The following CHIA variants were observed in gnomAD, a reference collection of about 807,000 sequenced individuals.
CHIA encodes the protein chitinase acidic.
Under a neutral mutation model 53.5 loss-of-function variants are expected in CHIA, and 47 were observed. The observed-to-expected ratio is 0.88, with a 90% CI of 0.70 to 1.12. The LOEUF is 1.12. CHIA is among the 50% of genes most tolerant of loss of function. The pLI is 0.00. For synonymous variants in CHIA, 268 were observed against 222.2 expected, an observed-to-expected ratio of 1.21 and a Z score of -1.83; for missense variants, 652 against 592.2, an observed-to-expected ratio of 1.10 and a Z score of -1.05.
chr1:111,304,667 T>G (rs1169540945), intron 1 of CHIA, among the ~76,000 whole-genome samples: 1 of 152,162 alleles, frequency 6.6e-6, no homozygotes, highest in Non-Finnish European at 1.5e-5. Flanking sequence ...TCTACATCCT[T>G]TTTTTAGAGC....
At chr1:111,310,263 G>GT in intron 1 of CHIA, 137 bp from the exon 2 acceptor site, 1 of 1,021,950 alleles carries the variant, frequency 9.8e-7, no homozygotes, top group Non-Finnish European at 1.4e-6. Context: ...TTCTGTCCTT[G>GT]TTGGGCAGAG....
chr1:111,319,477 CTG>C lies in CHIA; in HGVS notation c.1177+10_1177+11del. The C allele has an allele frequency of 6.2e-7, 1 of 1,613,154 alleles. No homozygotes were observed. ...CGGCCTGCAGAGTGCAAGTAAGTGACTGAGGGGGAATGCCCAGGTGTATAAAT... is the reference window on the plus strand; with the variant it reads ...CGGCCTGCAGAGTGCAAGTAAGTGACAGGGGGAATGCCCAGGTGTATAAAT... On this transcript the variant is annotated intron_variant, in intron 11 of 11. Transcript: ENST00000369740.
At chr1:111,295,859 A>G (rs948479835) in intron 1 of CHIA, among the ~76,000 whole-genome samples, 19 of 152,214 alleles carry the variant, frequency 1.2e-4, no homozygotes, top group Admixed American at 5.9e-4. Context: ...TCCCACCCAA[A>G]TACTGTGCTT....
At chr1:111,310,894 G>A (rs1648609893) in intron 2 of CHIA, among the ~76,000 whole-genome samples, 1 of 152,154 alleles carries the variant, frequency 6.6e-6, no homozygotes, top group African/African-American at 2.4e-5. Flanking sequence ...AAAATCAGTA[G>A]GAACTGAGAT....
chr1:111,320,298 A>G lies in CHIA; in HGVS notation c.1263A>G (p.Gly421=). The part of the protein sequence containing the change: ...SGNGSGSSSS[G]GSSGGSGFCA... ...ACGGGAGCGGGAGTAGCAGCTCTGG[A>G]GGCAGCTCGGGAGGCAGTGGATTCT... Residue 421 remains glycine, a synonymous_variant, in exon 12 of 12, where the codon GGA becomes GGG. Coordinates refer to ENST00000369740, the MANE Select transcript of CHIA (RefSeq NM_201653.4). 1.9e-6 allele frequency: 3 copies of G among 1,614,062 alleles called. No homozygotes were observed. Among genetic ancestry groups the G allele is most frequent in the Non-Finnish European group, 2.5e-6 (3 of 1,180,022 alleles).
In CHIA at chr1:111,320,357, C is replaced by T. The variant is rs1649565612; in HGVS notation, c.1322C>T (p.Ala441Val). Residue 441 changes from alanine to valine, a missense_variant, in exon 12 of 12, where the codon GCA (alanine) becomes GTA (valine). Physicochemically the swap from Ala to Val is moderately conservative, Grantham distance 64. Coordinates refer to ENST00000369740, the MANE Select transcript of CHIA (RefSeq NM_201653.4). ...AGAGCCAACGGCCTCTACCCCGTGG[C>T]AAATAACAGAAATGCCTTCTGGCAC... Reference protein sequence around the residue: ...AVRANGLYPVANNRNAFWHCV... With the variant: ...AVRANGLYPVVNNRNAFWHCV... 4.3e-6 allele frequency: 7 copies of T among 1,614,116 alleles called. No individual in the cohort carries two copies. Among genetic ancestry groups the T allele is most frequent in the East Asian group, 2.2e-5 (1 of 44,896 alleles).
At chr1:111,297,895 G>A (rs1162622510) in intron 1 of CHIA, among the ~76,000 whole-genome samples, 1 of 29,102 alleles carries the variant, frequency 3.4e-5, no homozygotes, top group African/African-American at 1.8e-4. Context: ...CCAAGCAAAT[G>A]GAAAGCAAAA....
Position 111,314,572 on chromosome 1 carries a change from GAGGCTGGAACT to G in CHIA, c.291_301del (p.Gly98ArgfsTer13). 6.2e-7 allele frequency: 1 copy of G among 1,613,600 alleles called. No homozygotes were observed. The highest frequency in any genetic ancestry group is 8.5e-7 in the Non-Finnish European group (1 of 1,179,538). On this transcript the variant is annotated frameshift_variant, in exon 5 of 12. Transcript: ENST00000369740. LOFTEE classifies it high-confidence loss of function. ...CAGCTGAAAACTCTCCTGGCCATTG[GAGGCTGGAACT>G]TCGGGACTGCCCCGTAAGTCTTCTA...
intron 6 of CHIA, chr1:111,315,801 T>C: frequency 2.2e-6 from 1 of 459,172 alleles, no homozygotes; most frequent in Non-Finnish European, 4.4e-6. Flanking sequence ...GTAGGAATCA[T>C]AACTTCCTCT....
chr1:111,311,423 A>T (rs1017277240), intron 2 of CHIA, among the ~76,000 whole-genome samples: 8 of 152,336 alleles, frequency 5.3e-5, no homozygotes, highest in Middle Eastern at 3.4e-3. Context: ...TACATCTTCC[A>T]TAGATAGTAA....
intron 4 of CHIA, 97 bp downstream of exon 4, chr1:111,312,488 ATGGGGACCAAGACT>A: frequency 1.0e-6 from 1 of 960,144 alleles, no homozygotes; most frequent in Non-Finnish European, 1.6e-6. Context: ...TGGATCTGAG[ATGGGGACCAAGACT>A]CTGCATTTCA....
At chr1:111,312,414 T>C (rs1455187302) in intron 4 of CHIA, 23 bp downstream of exon 4, 1 of 1,580,222 alleles carries the variant, frequency 6.3e-7, no homozygotes, top group Non-Finnish European at 8.7e-7. Flanking sequence ...AGATATTTAA[T>C]TTGGCATCCC....
rs1356862777 is a variant in CHIA, at chr1:111,311,699, T to C, written c.36T>C (p.Leu12=). 2 of 1,613,988 alleles carry C rather than the reference T, an allele frequency of 1.2e-6. No homozygotes were observed. The highest frequency in any genetic ancestry group is 1.1e-5 in the South Asian group (1 of 91,080). ...TKLILLTGLV[L]ILNLQLGSAY... is the part of the protein sequence containing the mutation. ...TTTCTTTCTATCCAGGTCTTGTCCT[T>C]ATACTGAATTTGCAGCTCGGTAAGT... is the stretch of plus-strand genomic sequence containing the variant. The change falls in exon 3 of 12, where the codon CTT becomes CTC. Residue 12 remains leucine, a synonymous_variant. Coordinates refer to ENST00000369740, the MANE Select transcript of CHIA (RefSeq NM_201653.4).
intron 6 of CHIA, 46 bp from the exon 7 acceptor site, chr1:111,317,635 T>TA: frequency 6.2e-7 from 1 of 1,609,736 alleles, no homozygotes; most frequent in Non-Finnish European, 8.5e-7. Flanking sequence ...TTTAAGGAGC[T>TA]AAAATCAGCA....
chr1:111,296,335 G>T (rs1051017703), intron 1 of CHIA, among the ~76,000 whole-genome samples: 2 of 152,248 alleles, frequency 1.3e-5, no homozygotes, highest in South Asian at 4.1e-4. Flanking sequence ...TCATACAGGT[G>T]GGACGAAGCT....
intron 1 of CHIA, among the ~76,000 whole-genome samples, chr1:111,299,927 T>C (rs895760560): frequency 2.6e-5 from 4 of 152,164 alleles, no homozygotes; most frequent in Non-Finnish European, 5.9e-5. Context: ...AGCATTCCTA[T>C]ACACCAATAA....
chr1:111,307,026 T>G (rs1306323910), intron 1 of CHIA, among the ~76,000 whole-genome samples: 4 of 152,256 alleles, frequency 2.6e-5, no homozygotes, highest in Admixed American at 2.6e-4. Flanking sequence ...ATAACTACTT[T>G]GGAAGAAACT....
Position 111,317,800 on chromosome 1 carries a change from G to A in CHIA, c.600G>A (p.Leu200=). ...AGTCTGGCTATGAGATCCCCCAACTGTCACAGTGAGTGATGTGCCTTATCT... is the reference window on the plus strand; with the variant it reads ...AGTCTGGCTATGAGATCCCCCAACTATCACAGTGAGTGATGTGCCTTATCT... The part of the protein sequence containing the change: ...NIQSGYEIPQ[L]SQYLDYIHVM... Residue 200 remains leucine (L), a synonymous_variant, in exon 7 of 12, where the codon CTG becomes CTA. Coordinates refer to ENST00000369740, the MANE Select transcript of CHIA (RefSeq NM_201653.4). 6.2e-7 allele frequency: 1 copy of A among 1,613,648 alleles called. No individual in the cohort carries two copies. The highest frequency in any genetic ancestry group is 8.5e-7 in the Non-Finnish European group (1 of 1,180,008).
At chr1:111,315,066 A>C in intron 5 of CHIA, 1 of 527,928 alleles carries the variant, frequency 1.9e-6, no homozygotes, top group East Asian at 3.1e-5. Flanking sequence ...AGTTGGGGGG[A>C]TAACAGAATA....
Sources: allele counts gnomAD v4.1 joint callset (sites outside exome capture counted in the v4.1 genomes callset), GRCh38; gene constraint gnomAD v4.1.1; transcripts MANE v1.5; gene names NCBI Gene and HGNC (gene_info 2026-07-23, HGNC 2026-07-21).